Variants in TMEM108 observed in about 807,000 individuals in gnomAD.
The protein encoded by TMEM108 is transmembrane protein 108, also known as cancer/testis antigen 124.
A neutral mutation model predicts 35.1 loss-of-function variants in TMEM108; 12 were observed. That is an observed-to-expected ratio of 0.34 (90% CI 0.22 to 0.55). The LOEUF (loss-of-function observed/expected upper bound fraction) is 0.55. TMEM108 is among the 20% of genes least tolerant of loss of function. TMEM108 has a pLI of 0.89. For missense variants in TMEM108, 680 were observed against 753.3 expected (o/e 0.90, Z 1.14); for synonymous variants, 287 against 308.6 (o/e 0.93, Z 0.73).
intron 2 of TMEM108, among the ~76,000 whole-genome samples, chr3:133,091,539 G>T (rs1249825185): frequency 6.6e-6 from 1 of 152,074 alleles, no homozygotes; most frequent in Non-Finnish European, 1.5e-5. Flanking sequence ...CCATGTGATG[G>T]GTGGGATAAT....
intron 3 of TMEM108, among the ~76,000 whole-genome samples, chr3:133,352,330 C>T (rs1261728150): frequency 6.6e-6 from 1 of 152,186 alleles, no homozygotes; most frequent in Non-Finnish European, 1.5e-5. Flanking sequence ...ACACACAACT[C>T]TTCTGACATC....
chr3:133,382,771 G>A (rs966738250), intron 4 of TMEM108, among the ~76,000 whole-genome samples: 4 of 152,112 alleles, frequency 2.6e-5, no homozygotes, highest in Non-Finnish European at 5.9e-5. Context: ...CCTTTAATGC[G>A]AACCATGATT....
intron 4 of TMEM108, among the ~76,000 whole-genome samples, chr3:133,383,659 C>A (rs1429903157): frequency 6.6e-6 from 1 of 152,156 alleles, no homozygotes; most frequent in East Asian, 1.9e-4. Flanking sequence ...GCTGCCTAAA[C>A]CATGCATAAA....
intron 3 of TMEM108, among the ~76,000 whole-genome samples, chr3:133,243,666 G>A (rs1476665649): frequency 1.3e-5 from 2 of 152,008 alleles, no homozygotes; most frequent in South Asian, 2.1e-4. Flanking sequence ...GACTACAGGC[G>A]CCTGCCACCA....
At chr3:133,349,323 C>T (rs2071919435) in intron 3 of TMEM108, among the ~76,000 whole-genome samples, 1 of 151,904 alleles carries the variant, frequency 6.6e-6, no homozygotes, top group African/African-American at 2.4e-5. Context: ...GTAATCAAAG[C>T]CTCATTAAAT....
intron 2 of TMEM108, among the ~76,000 whole-genome samples, chr3:133,048,223 A>C (rs899214875): frequency 1.3e-5 from 2 of 152,224 alleles, no homozygotes; most frequent in African/African-American, 4.8e-5. Flanking sequence ...AAAGGACATA[A>C]AGAAATAGCC....
At chr3:133,239,196 G>A (rs1490978394) in intron 3 of TMEM108, among the ~76,000 whole-genome samples, 1 of 152,124 alleles carries the variant, frequency 6.6e-6, no homozygotes, top group Non-Finnish European at 1.5e-5. Context: ...CATTGCTCTT[G>A]AGGAAATAAA....
chr3:133,266,916 C>CAAAA (rs11389496), intron 3 of TMEM108, among the ~76,000 whole-genome samples: 10 of 121,338 alleles, frequency 8.2e-5, no homozygotes, highest in African/African-American at 2.9e-4. Context: ...ACTAAAAATC[C>CAAAA]AAAAAAAAAA....
At chr3:133,237,117 G>C (rs112819291) in intron 3 of TMEM108, among the ~76,000 whole-genome samples, 19 of 152,080 alleles carry the variant, frequency 1.2e-4, no homozygotes, top group African/African-American at 4.6e-4. Flanking sequence ...CAGAGTCATG[G>C]GTCAGGAATC....
At chr3:133,323,283 A>C (rs918862204) in intron 3 of TMEM108, among the ~76,000 whole-genome samples, 3 of 152,232 alleles carry the variant, frequency 2.0e-5, no homozygotes. Context: ...AAAACCCTGA[A>C]GATTCATCCA....
intron 3 of TMEM108, among the ~76,000 whole-genome samples, chr3:133,321,120 G>A (rs564759584): frequency 4.3e-4 from 65 of 152,016 alleles, no homozygotes; most frequent in Non-Finnish European, 7.9e-4. Context: ...AAAAAACAAG[G>A]CATTCAGACA....
intron 3 of TMEM108, among the ~76,000 whole-genome samples, chr3:133,336,765 A>G (rs1429648653): frequency 6.6e-6 from 1 of 151,768 alleles, no homozygotes; most frequent in Non-Finnish European, 1.5e-5. Flanking sequence ...ATTCCAGGCC[A>G]TGGCTCTTGG....
chr3:133,199,367 T>C (rs1372495999), intron 2 of TMEM108, among the ~76,000 whole-genome samples: 1 of 152,204 alleles, frequency 6.6e-6, no homozygotes, highest in Non-Finnish European at 1.5e-5. Flanking sequence ...GGCACTCTGA[T>C]TTTTAGAATT....
At chr3:133,163,044 G>A (rs79810016) in intron 2 of TMEM108, among the ~76,000 whole-genome samples, 2,923 of 152,266 alleles carry the variant, frequency 0.019, 39 homozygotes, top group South Asian at 0.063. Flanking sequence ...AATGTCTGTT[G>A]CTTGCTTTCT....
chr3:133,374,273 T>C (rs73209837), intron 3 of TMEM108, among the ~76,000 whole-genome samples: 12,616 of 152,108 alleles, frequency 0.083, 660 homozygotes, highest in African/African-American at 0.14. Flanking sequence ...CAATTTAAAA[T>C]CACACCAAGA....
rs190689615 is a variant in TMEM108 at position 133,210,024 on chromosome 3, G to A, written c.-46-19242G>A. ...GCTCATGTTGCTTAAAACTTGAATTGCATGAAAGGCATTGGATCCAAATGT... is the reference window on the plus strand; with the variant it reads ...GCTCATGTTGCTTAAAACTTGAATTACATGAAAGGCATTGGATCCAAATGT... On this transcript the variant is annotated intron_variant, in intron 2 of 5. Transcript: ENST00000321871. 2.0e-5 allele frequency among the ~76,000 whole-genome samples: 3 copies of A among 152,272 alleles called. No homozygotes were observed. The East Asian group carries it at 5.8e-4, about 29-fold the overall frequency.
Position 133,380,955 on chromosome 3 carries a change from C to G in TMEM108, c.1244C>G (p.Pro415Arg), listed in dbSNP as rs1402725112. ...ACCCTCACCATGACCGACCGGGTGCCCAGTCCTCTCTCCACAGTGGTATCC... is the reference window on the plus strand; with the variant it reads ...ACCCTCACCATGACCGACCGGGTGCGCAGTCCTCTCTCCACAGTGGTATCC... ...VATLTMTDRVPSPLSTVVSTA... is the reference protein window; with the variant it reads ...VATLTMTDRVRSPLSTVVSTA... Residue 415 changes from proline (P) to arginine (R), a missense_variant, in exon 4 of 6, where the codon CCC becomes CGC. Physicochemically the swap from Pro to Arg is moderately radical, Grantham distance 103. This residue lies in a region of TMEM108 where 526 missense variants were observed against 532.1 expected (regional missense o/e 0.99). Transcript: ENST00000321871. The surrounding 1 kb of genome is among the most constrained non-coding windows in gnomAD (Gnocchi z 5.3). 6.2e-7 allele frequency: 1 copy of G among 1,614,206 alleles called. No homozygotes were observed. Among genetic ancestry groups the G allele is most frequent in the Non-Finnish European group, 8.5e-7 (1 of 1,180,038 alleles).
chr3:133,307,142 A>T (rs993732559), intron 3 of TMEM108, among the ~76,000 whole-genome samples: 1 of 152,074 alleles, frequency 6.6e-6, no homozygotes, highest in Non-Finnish European at 1.5e-5. Flanking sequence ...CCATTTTCTC[A>T]TGTGTCTGTT....
chr3:133,216,970 G>A (rs1235548563), intron 2 of TMEM108, among the ~76,000 whole-genome samples: 1 of 152,002 alleles, frequency 6.6e-6, no homozygotes, highest in Non-Finnish European at 1.5e-5. Flanking sequence ...TGGATTATGT[G>A]GTAGTTTTAG....
Sources: gnomAD v4.1 joint callset for allele counts (sites outside exome capture counted in the v4.1 genomes callset) on GRCh38, gnomAD v4.1.1 for gene constraint, gnomAD v4.1.1 regional missense constraint, Gnocchi (gnomAD v3.1) non-coding constraint, MANE v1.5 for transcripts, NCBI Gene and HGNC (gene_info 2026-07-23, HGNC 2026-07-21) for gene names.